CFAP91: variants seen among roughly 807,000 people sequenced by gnomAD.
CFAP91 encodes cilia- and flagella-associated protein 91.
In CFAP91, 85 loss-of-function variants were observed where a neutral mutation model predicts 95.9. The observed-to-expected ratio is 0.89, with a 90% confidence interval of 0.74 to 1.06. The LOEUF is 1.06. CFAP91 is among the 50% of genes least tolerant of loss of function. CFAP91 has a pLI of 0.00. For synonymous variants in CFAP91, 335 were observed against 327.5 expected (o/e 1.02, Z -0.25); for missense variants, 962 against 943.4 (o/e 1.02, Z -0.26).
At chr3:119,728,030 T>A (rs1340477265) in intron 7 of CFAP91, among the ~76,000 whole-genome samples, 1 of 151,920 alleles carries the variant, frequency 6.6e-6, no homozygotes, top group East Asian at 1.9e-4. Context: ...ATGATGATGA[T>A]GATGATGATA....
intron 17 of CFAP91, 62 bp downstream of exon 17, chr3:119,751,160 C>A: frequency 6.6e-7 from 1 of 1,516,754 alleles, no homozygotes; most frequent in Non-Finnish European, 8.9e-7. Flanking sequence ...CATTGTTCAG[C>A]TTTGTGCTGT....
At chr3:119,764,614 C>T (rs894852405) in intron 17 of CFAP91, among the ~76,000 whole-genome samples, 1 of 151,816 alleles carries the variant, frequency 6.6e-6, no homozygotes, top group Non-Finnish European at 1.5e-5. Flanking sequence ...TGTATATATA[C>T]AAACAAATAC....
chr3:119,722,420 C>A (rs2053704062), intron 6 of CFAP91, among the ~76,000 whole-genome samples: 1 of 152,098 alleles, frequency 6.6e-6, no homozygotes, highest in Middle Eastern at 3.4e-3. Context: ...GATTGCATCA[C>A]TGCACTCCAG....
intron 7 of CFAP91, 112 bp from the exon 8 acceptor site, chr3:119,730,108 A>C: frequency 8.7e-7 from 1 of 1,146,872 alleles, no homozygotes; most frequent in Non-Finnish European, 1.2e-6. Context: ...GTCTTTTGGC[A>C]ATACATGAAT....
chr3:119,745,645 C>A (rs1009688918), intron 14 of CFAP91, among the ~76,000 whole-genome samples: 1 of 152,218 alleles, frequency 6.6e-6, no homozygotes, highest in Non-Finnish European at 1.5e-5. Context: ...CCATATAGAT[C>A]CAACTTGCTT....
intron 17 of CFAP91, among the ~76,000 whole-genome samples, chr3:119,755,004 A>G (rs2054399127): frequency 6.6e-6 from 1 of 152,010 alleles, no homozygotes. Flanking sequence ...TTTTCTTCTG[A>G]TTTTTCCCTT....
intron 17 of CFAP91, among the ~76,000 whole-genome samples, chr3:119,756,155 C>T (rs998095234): frequency 3.3e-5 from 5 of 151,994 alleles, no homozygotes; most frequent in African/African-American, 1.2e-4. Context: ...ACTAATACTG[C>T]TGAAAGCCAA....
At chr3:119,742,916 C>A (rs926374749) in intron 13 of CFAP91, among the ~76,000 whole-genome samples, 1 of 152,120 alleles carries the variant, frequency 6.6e-6, no homozygotes, top group Non-Finnish European at 1.5e-5. Context: ...GAGAAGGTGG[C>A]ATGTGACTGG....
rs188385994 is a variant in CFAP91 at position 119,751,114 on chromosome 3, C to T, written c.*1+16C>T. Reference sequence around the variant, plus strand: ...AACAGCTAAGGTGAGTTTGATTTTCCACCAGGAAAAAAAGCAGAGAAAGGA... The same window carrying T: ...AACAGCTAAGGTGAGTTTGATTTTCTACCAGGAAAAAAAGCAGAGAAAGGA... On this transcript the variant is annotated intron_variant, in intron 17 of 17. Transcript: ENST00000273390. 7.7e-4 allele frequency: 1,209 copies of T among 1,578,008 alleles called. 4 individuals are homozygous for T. Among genetic ancestry groups the T allele is most frequent in the South Asian group, 1.3e-3 (113 of 84,770 alleles).
chr3:119,735,631 T>TG (rs2053986511), intron 10 of CFAP91, among the ~76,000 whole-genome samples: 1 of 152,130 alleles, frequency 6.6e-6, no homozygotes, highest in Non-Finnish European at 1.5e-5. Flanking sequence ...TCATGAGGCT[T>TG]GCTTTGTGGA....
intron 3 of CFAP91, 129 bp downstream of exon 3, chr3:119,707,690 C>A: frequency 1.8e-6 from 1 of 556,332 alleles, no homozygotes; most frequent in Non-Finnish European, 2.7e-6. Context: ...CTTTCTAAAC[C>A]TCTTTTGACC....
At position 119,752,906 on chromosome 3, in the gene CFAP91, T is replaced by C. The variant is rs1042490567; in HGVS notation, c.*1+1808T>C. Among the ~76,000 whole-genome samples the C allele has an allele frequency of 5.3e-5, 8 of 152,146 alleles. No homozygotes were observed. The East Asian group carries it at 1.5e-3, about 29-fold the overall frequency. ...GATGACCAACCAATAAATTAAATGG[T>C]TGGAACATGAAGCTAAGCTGTCCCC... On this transcript the variant is annotated intron_variant, in intron 17 of 17. Coordinates refer to ENST00000273390, the MANE Select transcript of CFAP91 (RefSeq NM_033364.4).
At position 119,744,204 on chromosome 3, in the gene CFAP91, G is replaced by C; in HGVS notation, c.1902+8G>C. The C allele has an allele frequency of 6.2e-7, 1 of 1,600,362 alleles. No individual in the cohort carries two copies. Among genetic ancestry groups the C allele is most frequent in the South Asian group, 1.1e-5 (1 of 90,208 alleles). On this transcript the variant is annotated splice_region_variant and intron_variant, in intron 14 of 17. Coordinates refer to ENST00000273390, the MANE Select transcript of CFAP91 (RefSeq NM_033364.4). The stretch of plus-strand genomic sequence containing the variant: ...GACGAGATATTTAAGGAGGCAAGTA[G>C]GGGCAGCTGGGTGTGTGGAAGCTGC...
intron 6 of CFAP91, among the ~76,000 whole-genome samples, chr3:119,721,045 T>A (rs761433607): frequency 6.6e-5 from 10 of 152,170 alleles, no homozygotes; most frequent in Non-Finnish European, 1.0e-4. Flanking sequence ...ACTATACTAG[T>A]AAGGAAACTT....
At chr3:119,735,388 T>C (rs574911650) in intron 10 of CFAP91, among the ~76,000 whole-genome samples, 1 of 152,368 alleles carries the variant, frequency 6.6e-6, no homozygotes, top group Non-Finnish European at 1.5e-5. Flanking sequence ...GTTAAACATT[T>C]CCTTCAAAAT....
In CFAP91 at chr3:119,732,901, A is replaced by G. The variant is rs143601057; in HGVS notation, c.1201+425A>G. ...AGGACTATACCTCTTATGAAGTTCA[A>G]AAGAGGCTTATTTAGTTATTTAATT... On this transcript the variant is annotated intron_variant, in intron 9 of 17. Coordinates refer to ENST00000273390, the MANE Select transcript of CFAP91 (RefSeq NM_033364.4). Among the ~76,000 whole-genome samples the G allele has an allele frequency of 5.8e-4, 89 of 152,334 alleles. 2 individuals carry two copies. In the East Asian group the frequency reaches 0.013, roughly 23 times the overall value.
At chr3:119,708,004 AG>A (rs1360542440) in intron 3 of CFAP91, among the ~76,000 whole-genome samples, 1 of 152,124 alleles carries the variant, frequency 6.6e-6, no homozygotes, top group African/African-American at 2.4e-5. Flanking sequence ...TCTTTTGGCC[AG>A]GCACAGTGGC....
intron 17 of CFAP91, among the ~76,000 whole-genome samples, chr3:119,758,529 C>A (rs2054475695): frequency 1.3e-5 from 2 of 152,106 alleles, no homozygotes; most frequent in African/African-American, 4.8e-5. Context: ...AAGGAAATTT[C>A]AAAATTATTT....
chr3:119,703,430 G>T (rs1050141287), intron 1 of CFAP91, among the ~76,000 whole-genome samples: 4 of 152,226 alleles, frequency 2.6e-5, no homozygotes, highest in Non-Finnish European at 5.9e-5. Flanking sequence ...CGGGTACATC[G>T]AAAGGCGCGG....
Sources: gnomAD v4.1 joint callset for allele counts (sites outside exome capture counted in the v4.1 genomes callset) on GRCh38, gnomAD v4.1.1 for gene constraint, MANE v1.5 for transcripts, NCBI Gene and HGNC (gene_info 2026-07-23, HGNC 2026-07-21) for gene names.